The following SLC17A5 variants were observed in gnomAD, a reference collection of about 807,000 sequenced individuals.
SLC17A5 encodes solute carrier family 17 member 5, also known as sialin.
Under a neutral mutation model 59.4 loss-of-function variants are expected in SLC17A5, and 47 were observed. The ratio of observed to expected loss-of-function variants is 0.79; its 90% CI spans 0.63 to 1.01. The LOEUF is 1.01. SLC17A5 is among the 50% of genes least tolerant of loss of function. The pLI is 0.00. For synonymous variants in SLC17A5, 202 were observed against 210.7 expected (o/e 0.96, Z 0.36); for missense variants, 522 against 595.5 (o/e 0.88, Z 1.28).
chr6:73,623,449 C>A (rs923192697), intron 6 of SLC17A5, among the ~76,000 whole-genome samples: 4 of 152,022 alleles, frequency 2.6e-5, no homozygotes, highest in Non-Finnish European at 5.9e-5. Context: ...AATCTCCGGC[C>A]TCAGCCCCCC....
At chr6:73,597,985 TACTC>T (rs1305852705) in intron 10 of SLC17A5, among the ~76,000 whole-genome samples, 1 of 152,190 alleles carries the variant, frequency 6.6e-6, no homozygotes, top group African/African-American at 2.4e-5. Context: ...AAATCTTAGA[TACTC>T]ATCTTAAATT....
chr6:73,622,014 A>T (rs781090730), intron 6 of SLC17A5, 52 bp from the exon 7 acceptor site: 3 of 1,549,094 alleles, frequency 1.9e-6, no homozygotes, highest in Non-Finnish European at 2.7e-6. Context: ...TAATGCTTAG[A>T]TCTGTACCGT....
In SLC17A5 at chr6:73,595,069, T is replaced by C; in HGVS notation, c.*8A>G. 1.2e-6 allele frequency: 2 copies of C among 1,614,086 alleles called. No homozygotes were observed. The highest frequency in any genetic ancestry group is 1.7e-6 in the Non-Finnish European group (2 of 1,179,962). On this transcript the variant is annotated 3_prime_UTR_variant, in exon 11 of 11. Transcript: ENST00000355773. ...CATTAATAGAGGCAGGATTATTTAT[T>C]GGTTCCTTCAGTGTCTGTGTCCATG... is the stretch of plus-strand genomic sequence containing the variant.
chr6:73,614,910 G>A lies in SLC17A5; in HGVS notation c.1111+405C>T, dbSNP rs529644524. 2.6e-5 allele frequency among the ~76,000 whole-genome samples: 4 copies of A among 152,270 alleles called. No homozygotes were observed. In the East Asian group the frequency reaches 7.7e-4, roughly 29 times the overall value. ...TAAAGTGTTTCTCTGAGTTCTCTGA[G>A]ATGCTCTAGCAGATTAACTGAACCT... On this transcript the variant is annotated intron_variant, in intron 8 of 10. Transcript: ENST00000355773.
At position 73,645,364 on chromosome 6, in the gene SLC17A5, C is replaced by T. The variant is rs1385824274; in HGVS notation, c.95-761G>A. 5.1e-6 allele frequency: 5 copies of T among 985,158 alleles called. No homozygotes were observed. In the East Asian group the frequency reaches 4.5e-4, roughly 89 times the overall value. 61.0% of individuals were successfully genotyped at this position (985,158 alleles called of 1,614,324 possible). On this transcript the variant is annotated intron_variant, in intron 1 of 10. Transcript: ENST00000355773. The stretch of plus-strand genomic sequence containing the variant: ...ACTTAAAGCCATCGTAAACTAAATG[C>T]ATTTAAGAATCTAGAAGCAAACTTG...
intron 9 of SLC17A5, among the ~76,000 whole-genome samples, chr6:73,607,337 T>G (rs1289257787): frequency 1.3e-5 from 2 of 151,168 alleles, no homozygotes; most frequent in Non-Finnish European, 2.9e-5. Flanking sequence ...TAGAGTGCAA[T>G]TGCTCACTGC....
At chr6:73,624,324 AACCCGG>A (rs1768299016) in intron 6 of SLC17A5, among the ~76,000 whole-genome samples, 1 of 152,076 alleles carries the variant, frequency 6.6e-6, no homozygotes, top group Non-Finnish European at 1.5e-5. Flanking sequence ...GAATTGCTTG[AACCCGG>A]GAGGTGGAGG....
At chr6:73,600,615 C>A (rs972012305) in intron 9 of SLC17A5, among the ~76,000 whole-genome samples, 174 bp from the exon 10 acceptor site, 6 of 151,436 alleles carry the variant, frequency 4.0e-5, no homozygotes, top group African/African-American at 1.2e-4. Context: ...TTCAAGCATG[C>A]CTTAGCCTCC....
intron 9 of SLC17A5, among the ~76,000 whole-genome samples, chr6:73,603,341 CCCAAATTG>C (rs1191263498): frequency 6.6e-6 from 1 of 152,062 alleles, no homozygotes; most frequent in African/African-American, 2.4e-5. Flanking sequence ...GCCTCAGCCT[CCCAAATTG>C]CCAAATTGCT....
intron 9 of SLC17A5, among the ~76,000 whole-genome samples, chr6:73,602,003 A>G (rs1035668778): frequency 7.1e-4 from 107 of 151,712 alleles, no homozygotes; most frequent in African/African-American, 2.3e-3. Context: ...GAAAGGGGGG[A>G]AAGGTGGGGA....
intron 6 of SLC17A5, among the ~76,000 whole-genome samples, chr6:73,630,954 G>A (rs1768677265): frequency 1.3e-5 from 2 of 151,356 alleles, no homozygotes; most frequent in African/African-American, 4.9e-5. Flanking sequence ...GCTGAGGCAG[G>A]AGAGTCACTT....
intron 3 of SLC17A5, among the ~76,000 whole-genome samples, chr6:73,640,611 A>G (rs140086350): frequency 1.5e-3 from 231 of 152,312 alleles, no homozygotes; most frequent in African/African-American, 5.3e-3. Context: ...CCTCTACACC[A>G]AGCCCAGTGG....
chr6:73,596,935 T>C (rs1261292881), intron 10 of SLC17A5, among the ~76,000 whole-genome samples: 1 of 149,214 alleles, frequency 6.7e-6, no homozygotes, highest in East Asian at 2.0e-4. Context: ...CTGAGGTGGG[T>C]GGATCACCCG....
chr6:73,601,722 G>A lies in SLC17A5; in HGVS notation c.1260-1281C>T, dbSNP rs1457190870. Among the ~76,000 whole-genome samples, 72 of 119,344 alleles carry A rather than the reference G, an allele frequency of 6.0e-4. 3 individuals are homozygous for A. The highest frequency in any genetic ancestry group is 2.3e-3 in the African/African-American group (68 of 29,090). 78.3% of individuals were successfully genotyped at this position (119,344 alleles called of 152,430 possible). On this transcript the variant is annotated intron_variant, in intron 9 of 10. Coordinates refer to ENST00000355773, the MANE Select transcript of SLC17A5 (RefSeq NM_012434.5). ...AGCCCCCCGCCCGGCCAGCCGCCCC[G>A]TCCGGGAGGTGAGGGGCGCCTCTGC...
chr6:73,625,314 G>C (rs1768355171), intron 6 of SLC17A5, among the ~76,000 whole-genome samples: 1 of 152,028 alleles, frequency 6.6e-6, no homozygotes, highest in South Asian at 2.1e-4. Context: ...AGCCTCCCGA[G>C]TAGCTGGGAT....
chr6:73,603,420 CT>C (rs61490134), intron 9 of SLC17A5, among the ~76,000 whole-genome samples: 67,532 of 133,792 alleles, frequency 0.5, 17,599 homozygotes, highest in African/African-American at 0.71. Context: ...ATTGCTGCCT[CT>C]TTTTTTTTTT....
intron 7 of SLC17A5, among the ~76,000 whole-genome samples, chr6:73,616,180 G>T (rs12201746): frequency 0.056 from 8,470 of 152,012 alleles, 428 homozygotes; most frequent in Admixed American, 0.16. Context: ...CACCGCACCC[G>T]GCCTCATGAG....
At chr6:73,646,302 G>C (rs1769560603) in intron 1 of SLC17A5, among the ~76,000 whole-genome samples, 1 of 152,114 alleles carries the variant, frequency 6.6e-6, no homozygotes, top group African/African-American at 2.4e-5. Context: ...AAACATTAAT[G>C]AATATGCACA....
intron 7 of SLC17A5, among the ~76,000 whole-genome samples, chr6:73,619,741 G>C (rs534132018): frequency 6.6e-6 from 1 of 151,908 alleles, no homozygotes; most frequent in Non-Finnish European, 1.5e-5. Flanking sequence ...CTATGAAAAT[G>C]CAAGATAAAA....
Sources: gnomAD v4.1 joint callset for allele counts (sites outside exome capture counted in the v4.1 genomes callset) on GRCh38, gnomAD v4.1.1 for gene constraint, MANE v1.5 for transcripts, NCBI Gene and HGNC (gene_info 2026-07-23, HGNC 2026-07-21) for gene names.